Variants in WARS2 observed in about 807,000 individuals in gnomAD.
WARS2 encodes the protein tryptophan--tRNA ligase, mitochondrial.
In WARS2, 28 loss-of-function variants were observed where a neutral mutation model predicts 36.5. The observed-to-expected ratio is 0.77, with a 90% CI of 0.57 to 1.05. The LOEUF is 1.05. Among genes scored for constraint, WARS2 ranks in the 50% least tolerant of loss-of-function variants. The probability of loss-of-function intolerance (pLI) is 0.00; values close to 1 mark genes in which losing one functional copy is unlikely to be tolerated. For synonymous variants in WARS2, 174 were observed against 178.4 expected, an observed-to-expected ratio of 0.98 and a Z score of 0.20; for missense variants, 435 against 456.8, an observed-to-expected ratio of 0.95 and a Z score of 0.44.
chr1:119,102,382 T>A (rs1332213106), intron 1 of WARS2, among the ~76,000 whole-genome samples: 1 of 152,210 alleles, frequency 6.6e-6, no homozygotes, highest in Non-Finnish European at 1.5e-5. Flanking sequence ...CAGTACATTG[T>A]ACCAACTTTT....
At chr1:119,040,683 C>A (rs527691973) in intron 4 of WARS2, among the ~76,000 whole-genome samples, 1 of 152,172 alleles carries the variant, frequency 6.6e-6, no homozygotes, top group Non-Finnish European at 1.5e-5. Context: ...AAGACATAGT[C>A]ATCATTAGTC....
intron 1 of WARS2, among the ~76,000 whole-genome samples, chr1:119,079,579 G>C (rs1557965848): frequency 6.6e-6 from 1 of 152,254 alleles, no homozygotes; most frequent in East Asian, 1.9e-4. Flanking sequence ...GCCATGTTAA[G>C]TCTTTTTTAT....
chr1:119,092,390 G>A (rs909258905), intron 1 of WARS2, among the ~76,000 whole-genome samples: 9 of 152,046 alleles, frequency 5.9e-5, no homozygotes, highest in Admixed American at 5.9e-4. Flanking sequence ...TCTTTATTAA[G>A]GAAATTAATG....
intron 1 of WARS2, among the ~76,000 whole-genome samples, chr1:119,106,064 AGAAG>A (rs1654216012): frequency 6.6e-6 from 1 of 152,250 alleles, no homozygotes; most frequent in Non-Finnish European, 1.5e-5. Context: ...GGAAATAGGT[AGAAG>A]GAAGACAACG....
At chr1:119,071,035 TG>T (rs1010705914) in intron 2 of WARS2, among the ~76,000 whole-genome samples, 27 of 152,052 alleles carry the variant, frequency 1.8e-4, no homozygotes, top group African/African-American at 6.3e-4. Flanking sequence ...ATACAAAAAT[TG>T]GCCAAGCTTG....
intron 2 of WARS2, among the ~76,000 whole-genome samples, chr1:119,073,200 A>C (rs1425549038): frequency 6.6e-6 from 1 of 152,060 alleles, no homozygotes; most frequent in Non-Finnish European, 1.5e-5. Context: ...CAGTGAGACA[A>C]ATAATGAAAT....
chr1:119,081,553 T>C (rs1330526010), intron 1 of WARS2, among the ~76,000 whole-genome samples: 1 of 152,222 alleles, frequency 6.6e-6, no homozygotes, highest in Non-Finnish European at 1.5e-5. Context: ...GTTACATAAA[T>C]GGCATTTTAT....
chr1:119,068,553 C>A (rs1231651465), intron 2 of WARS2, among the ~76,000 whole-genome samples: 1 of 152,154 alleles, frequency 6.6e-6, no homozygotes, highest in Non-Finnish European at 1.5e-5. Context: ...AACACAATAT[C>A]TGGTGGCCCC....
chr1:119,038,199 T>A (rs1176139729), intron 4 of WARS2, among the ~76,000 whole-genome samples: 1 of 152,192 alleles, frequency 6.6e-6, no homozygotes, highest in Non-Finnish European at 1.5e-5. Context: ...ATTTGCCTAA[T>A]AGAGGTAAAG....
chr1:119,133,092 C>G (rs1227158226), intron 1 of WARS2, among the ~76,000 whole-genome samples: 1 of 152,180 alleles, frequency 6.6e-6, no homozygotes, highest in Non-Finnish European at 1.5e-5. Flanking sequence ...GTGCAGGTTG[C>G]CCTTTTAGCT....
intron 1 of WARS2, chr1:119,082,556 GC>G (rs1652279730): frequency 1.8e-6 from 1 of 544,984 alleles, no homozygotes; most frequent in African/African-American, 2.1e-5. Context: ...CTGAGCTCTT[GC>G]CACTGGACTC....
At chr1:119,084,115 G>C (rs1411800401) in intron 1 of WARS2, among the ~76,000 whole-genome samples, 3 of 151,404 alleles carry the variant, frequency 2.0e-5, no homozygotes, top group African/African-American at 7.3e-5. Flanking sequence ...CAAACTCCTA[G>C]GCTCAAGCAG....
At chr1:119,051,762 A>ATTTTTTTTTTTTT (rs527937756) in intron 2 of WARS2, among the ~76,000 whole-genome samples, 1 of 114,314 alleles carries the variant, frequency 8.7e-6, no homozygotes, top group Non-Finnish European at 1.8e-5. Context: ...TCTCGCTGTA[A>ATTTTTTTTTTTTT]TTTTTTTTTT....
chr1:119,037,747 C>T (rs1647998315), intron 4 of WARS2, among the ~76,000 whole-genome samples: 1 of 152,190 alleles, frequency 6.6e-6, no homozygotes, highest in Admixed American at 6.5e-5. Context: ...AATGGCAATG[C>T]TATCAATCCA....
At chr1:119,072,613 G>A (rs1300016805) in intron 2 of WARS2, among the ~76,000 whole-genome samples, 1 of 152,026 alleles carries the variant, frequency 6.6e-6, no homozygotes, top group Admixed American at 6.6e-5. Context: ...AGAGACTTAA[G>A]ATCCATAATC....
chr1:119,056,570 T>C (rs577935656), intron 2 of WARS2, among the ~76,000 whole-genome samples: 22 of 148,464 alleles, frequency 1.5e-4, no homozygotes, highest in East Asian at 5.8e-4. Context: ...ATATTATATA[T>C]AGTAAATCAA....
chr1:119,086,255 C>T (rs11802282), intron 1 of WARS2, among the ~76,000 whole-genome samples: 2,761 of 152,254 alleles, frequency 0.018, 41 homozygotes, highest in Middle Eastern at 0.058. Context: ...GCTTATCATA[C>T]CAACAATTAT....
At chr1:119,085,212 C>G (rs1055467435) in intron 1 of WARS2, 1 of 832,828 alleles carries the variant, frequency 1.2e-6, no homozygotes, top group African/African-American at 1.7e-5. Flanking sequence ...GCTTGAGGAC[C>G]TGTGCTCGTG....
At position 119,055,050 on chromosome 1, in the gene WARS2, A is replaced by G. The variant is rs568214567; in HGVS notation, c.349-9388T>C. 2.3e-3 allele frequency among the ~76,000 whole-genome samples: 343 copies of G among 152,370 alleles called. 1 individual carries two copies. The highest frequency in any genetic ancestry group is 7.6e-3 in the African/African-American group (317 of 41,588). ...TAAGATGATAAATTTAATGTGTTTT[A>G]CAAATTTCAAAAATTTTTAAAAAGG... On this transcript the variant is annotated intron_variant, in intron 2 of 5. Coordinates refer to ENST00000235521, the MANE Select transcript of WARS2 (RefSeq NM_015836.4).
Sources: allele counts gnomAD v4.1 joint callset (sites outside exome capture counted in the v4.1 genomes callset), GRCh38; gene constraint gnomAD v4.1.1; transcripts MANE v1.5; gene names NCBI Gene and HGNC (gene_info 2026-07-23, HGNC 2026-07-21).